The following TMEM116 variants were observed in gnomAD, a reference collection of about 807,000 sequenced individuals.
The protein encoded by TMEM116 is transmembrane protein 116.
A neutral mutation model predicts 44.3 loss-of-function variants in TMEM116; 38 were observed. The observed-to-expected ratio is 0.86, with a 90% confidence interval of 0.66 to 1.12. The LOEUF (loss-of-function observed/expected upper bound fraction) is 1.12, where lower values mean the gene tolerates loss of function less well. Ranked by LOEUF, TMEM116 falls within the 50% of genes most tolerant of loss-of-function variation. The pLI, the probability that TMEM116 is intolerant of heterozygous loss-of-function variation, is 0.00. For missense variants in TMEM116, 354 were observed against 401.7 expected (o/e 0.88, Z 1.01); for synonymous variants, 132 against 144.8 (o/e 0.91, Z 0.64).
chr12:111,968,655 T>G (rs1320160330), intron 4 of TMEM116, among the ~76,000 whole-genome samples: 1 of 152,178 alleles, frequency 6.6e-6, no homozygotes, highest in East Asian at 1.9e-4. Flanking sequence ...ATAACTACAT[T>G]CTATCTTTTC....
At position 111,991,781 on chromosome 12, in the gene TMEM116, AGCAGAT is replaced by A; in HGVS notation, c.181_186del (p.Ile61_Cys62del). On this transcript the variant is annotated inframe_deletion, in exon 4 of 11. Coordinates refer to ENST00000552374, the MANE Select transcript of TMEM116 (RefSeq NM_001193531.2). The stretch of plus-strand genomic sequence containing the variant: ...ACCTGTCCAACTGCTTGTAGGTTAT[AGCAGAT>A]GATGTCCTTATTTGCTACTGAAGCT... The A allele has an allele frequency of 1.3e-6, 2 of 1,535,394 alleles. No individual in the cohort carries two copies. The highest frequency in any genetic ancestry group is 2.4e-5 in the South Asian group (2 of 84,038).
chr12:111,963,252 G>C (rs2074732933), intron 4 of TMEM116, among the ~76,000 whole-genome samples: 1 of 152,180 alleles, frequency 6.6e-6, no homozygotes, highest in Admixed American at 6.5e-5. Context: ...AACCATTGTG[G>C]AAGACGGTGT....
intron 4 of TMEM116, among the ~76,000 whole-genome samples, chr12:111,946,136 T>C (rs542748508): frequency 6.6e-6 from 1 of 152,342 alleles, no homozygotes; most frequent in South Asian, 2.1e-4. Flanking sequence ...TTTTCTTGAT[T>C]TGTCAAAATT....
intron 8 of TMEM116, chr12:111,935,634 G>C (rs914914719): frequency 2.0e-5 from 3 of 152,412 alleles, no homozygotes; most frequent in Non-Finnish European, 4.3e-5. Context: ...GTGTGTGTGT[G>C]TGTGTGTGTG....
intron 7 of TMEM116, 63 bp from the exon 8 acceptor site, chr12:111,936,893 G>A: frequency 1.3e-6 from 2 of 1,489,056 alleles, no homozygotes; most frequent in Non-Finnish European, 9.0e-7. Flanking sequence ...TGCTCAACAA[G>A]ACTTAATAAG....
chr12:111,940,901 A>C (rs574409473), intron 5 of TMEM116, among the ~76,000 whole-genome samples: 12 of 152,228 alleles, frequency 7.9e-5, no homozygotes, highest in African/African-American at 2.9e-4. Flanking sequence ...TGAATGAATA[A>C]ATAAAAACTT....
At chr12:111,988,363 T>G (rs2076344049) in intron 4 of TMEM116, among the ~76,000 whole-genome samples, 1 of 152,162 alleles carries the variant, frequency 6.6e-6, no homozygotes, top group African/African-American at 2.4e-5. Context: ...TAATAGTAAA[T>G]TTTACGTTAT....
chr12:111,994,000 C>A, intron 3 of TMEM116: 1 of 568,210 alleles, frequency 1.8e-6, no homozygotes, highest in South Asian at 1.5e-5. Context: ...CTACTTCAGC[C>A]TCCCTTGCCC....
chr12:111,974,156 A>C (rs1419198247), intron 4 of TMEM116, among the ~76,000 whole-genome samples: 3 of 151,936 alleles, frequency 2.0e-5, no homozygotes, highest in Admixed American at 6.6e-5. Context: ...AAAAAAAAAA[A>C]CTCTCACCAA....
At chr12:111,945,436 A>ATT (rs564464052) in intron 4 of TMEM116, among the ~76,000 whole-genome samples, 4 of 150,302 alleles carry the variant, frequency 2.7e-5, no homozygotes, top group Non-Finnish European at 5.9e-5. Flanking sequence ...TATCTGTTAG[A>ATT]TTTTTTTTCA....
In TMEM116 at chr12:111,992,485, G is replaced by A. The variant is rs139528130; in HGVS notation, c.79-596C>T. On this transcript the variant is annotated intron_variant, in intron 3 of 10. Coordinates refer to ENST00000552374, the MANE Select transcript of TMEM116 (RefSeq NM_001193531.2). ...GGGGTTTCACCGTGTTAGCCAGGAC[G>A]GTCTCGATCTCCTGACCTTGTGATC... 9.5e-3 allele frequency among the ~76,000 whole-genome samples: 1,441 copies of A among 152,152 alleles called. 24 individuals carry two copies. Among genetic ancestry groups the A allele is most frequent in the African/African-American group, 0.033 (1,364 of 41,508 alleles).
intron 3 of TMEM116, chr12:112,001,038 G>C (rs536757549): frequency 5.3e-6 from 1 of 187,708 alleles, no homozygotes; most frequent in African/African-American, 2.4e-5. Flanking sequence ...TGCCACAAGG[G>C]ACTTGGCGCC....
At chr12:111,965,760 C>CT (rs1565911596) in intron 4 of TMEM116, 1 of 385,048 alleles carries the variant, frequency 2.6e-6, no homozygotes, top group Non-Finnish European at 5.1e-6. Context: ...CCCGTCTCCC[C>CT]TAAAAAAAAA....
intron 3 of TMEM116, chr12:112,000,832 G>A: frequency 4.0e-6 from 2 of 499,698 alleles, no homozygotes; most frequent in South Asian, 1.5e-5. Context: ...CGGTTCATTA[G>A]CTGAGATTTA....
intron 3 of TMEM116, among the ~76,000 whole-genome samples, chr12:111,999,591 T>G (rs2077134322): frequency 6.6e-6 from 1 of 151,370 alleles, no homozygotes; most frequent in Non-Finnish European, 1.5e-5. Context: ...AGAGCGAGAC[T>G]CCATCTCAAA....
At chr12:111,987,564 A>G (rs1022344930) in intron 4 of TMEM116, among the ~76,000 whole-genome samples, 1 of 152,138 alleles carries the variant, frequency 6.6e-6, no homozygotes, top group Non-Finnish European at 1.5e-5. Flanking sequence ...CAGAAGATAT[A>G]TAAATGGCCA....
At chr12:111,956,662 C>T (rs982448609) in intron 4 of TMEM116, among the ~76,000 whole-genome samples, 8 of 152,270 alleles carry the variant, frequency 5.3e-5, no homozygotes, top group Non-Finnish European at 1.2e-4. Context: ...TGCAGGTGCG[C>T]GCCGCCACAC....
intron 4 of TMEM116, among the ~76,000 whole-genome samples, chr12:111,960,471 G>A (rs1464321597): frequency 8.6e-6 from 1 of 116,328 alleles, no homozygotes; most frequent in Non-Finnish European, 1.6e-5. Context: ...CAGCCTGGGC[G>A]ACAGAGCAAG....
At chr12:111,947,257 C>T (rs561058110) in intron 4 of TMEM116, among the ~76,000 whole-genome samples, 1 of 151,396 alleles carries the variant, frequency 6.6e-6, no homozygotes, top group East Asian at 1.9e-4. Flanking sequence ...ACATGTGATC[C>T]TGTTTTGAGC....
Sources: allele counts gnomAD v4.1 joint callset (sites outside exome capture counted in the v4.1 genomes callset), GRCh38; gene constraint gnomAD v4.1.1; transcripts MANE v1.5; gene names NCBI Gene and HGNC (gene_info 2026-07-23, HGNC 2026-07-21).